The following CCDC83 variants were observed in gnomAD, a reference collection of about 807,000 sequenced individuals.
CCDC83 encodes the protein coiled-coil domain containing 83.
CCDC83 carries 54 observed loss-of-function variants against 50.1 expected under a neutral mutation model. That is an observed-to-expected ratio of 1.08 (90% confidence interval 0.87 to 1.35). The LOEUF (loss-of-function observed/expected upper bound fraction) is 1.35, where lower values mean the gene tolerates loss of function less well. Ranked by LOEUF, CCDC83 falls within the 40% of genes most tolerant of loss-of-function variation. The probability of loss-of-function intolerance (pLI) is 0.00; values close to 1 mark genes in which losing one functional copy is unlikely to be tolerated. For synonymous variants in CCDC83, 161 were observed against 153.3 expected (o/e 1.05, Z -0.37); for missense variants, 518 against 473.9 (o/e 1.09, Z -0.86).
At chr11:85,907,303 C>A (rs534050978) in intron 7 of CCDC83, among the ~76,000 whole-genome samples, 2 of 152,136 alleles carry the variant, frequency 1.3e-5, no homozygotes, top group South Asian at 4.1e-4. Context: ...AGTAACACTG[C>A]ATGATTTCAA....
At chr11:85,888,026 T>C (rs2093335209) in intron 5 of CCDC83, among the ~76,000 whole-genome samples, 1 of 152,132 alleles carries the variant, frequency 6.6e-6, no homozygotes. Flanking sequence ...AACCATAATT[T>C]TTTGACCAGT....
chr11:85,899,869 A>G (rs2093392804), intron 7 of CCDC83, among the ~76,000 whole-genome samples: 1 of 152,188 alleles, frequency 6.6e-6, no homozygotes, highest in Admixed American at 6.5e-5. Context: ...TTGTAGTTCA[A>G]GATGGTAGGC....
Position 85,866,769 on chromosome 11 carries a change from G to A in CCDC83, c.95+1551G>A, listed in dbSNP as rs1173796215. Among the ~76,000 whole-genome samples, 7 of 152,176 alleles carry A rather than the reference G, an allele frequency of 4.6e-5. No individual in the cohort carries two copies. In the East Asian group the frequency reaches 1.3e-3, roughly 29 times the overall value. On this transcript the variant is annotated intron_variant, in intron 2 of 10. Transcript: ENST00000342404. ...TAACTAAAGGACTTTAGTCAGAGGA[G>A]TTAGGAAAAACTTGTTTGAGAAAGC...
intron 1 of CCDC83, among the ~76,000 whole-genome samples, chr11:85,858,389 C>A (rs987955175): frequency 6.6e-6 from 1 of 152,218 alleles, no homozygotes; most frequent in African/African-American, 2.4e-5. Flanking sequence ...GAAAGCCAGA[C>A]CTGCCCTTCG....
At chr11:85,870,480 A>C (rs1252788493) in intron 2 of CCDC83, among the ~76,000 whole-genome samples, 1 of 151,962 alleles carries the variant, frequency 6.6e-6, no homozygotes, top group African/African-American at 2.4e-5. Flanking sequence ...CTTTTTTTTT[A>C]ATCTCCTGAA....
At chr11:85,908,379 C>T (rs906649767) in intron 7 of CCDC83, among the ~76,000 whole-genome samples, 5 of 151,894 alleles carry the variant, frequency 3.3e-5, no homozygotes, top group African/African-American at 7.3e-5. Context: ...GATGAAACCC[C>T]GTCTCTACTA....
intron 7 of CCDC83, among the ~76,000 whole-genome samples, chr11:85,905,632 G>T (rs1038312778): frequency 1.3e-5 from 2 of 148,600 alleles, no homozygotes; most frequent in Non-Finnish European, 3.0e-5. Flanking sequence ...AAAAAAAAAG[G>T]TATTAACAAT....
At position 85,913,931 on chromosome 11, in the gene CCDC83, T is replaced by C. The variant is rs1345606979; in HGVS notation, c.795-1488T>C. On this transcript the variant is annotated intron_variant, in intron 8 of 10. Coordinates refer to ENST00000342404, the MANE Select transcript of CCDC83 (RefSeq NM_001286159.2). Reference sequence around the variant, plus strand: ...TAGTAGTACAGAAGTAACAGTAAACTAGCAATTAATAGAAAAAGCTAGATT... The same window carrying C: ...TAGTAGTACAGAAGTAACAGTAAACCAGCAATTAATAGAAAAAGCTAGATT... 2.0e-5 allele frequency among the ~76,000 whole-genome samples: 3 copies of C among 152,208 alleles called. No individual in the cohort carries two copies. In the East Asian group the frequency reaches 5.8e-4, roughly 29 times the overall value.
intron 7 of CCDC83, among the ~76,000 whole-genome samples, chr11:85,909,704 C>A (rs551215581): frequency 7.0e-6 from 1 of 143,166 alleles, no homozygotes; most frequent in Non-Finnish European, 1.5e-5. Flanking sequence ...CTCACTGTGA[C>A]CTCCACTTCC....
intron 6 of CCDC83, among the ~76,000 whole-genome samples, chr11:85,896,252 A>T (rs1565148985): frequency 6.6e-6 from 1 of 151,650 alleles, no homozygotes; most frequent in East Asian, 1.9e-4. Context: ...ACAGGGCAAA[A>T]CCCTGTCTCA....
At chr11:85,863,335 T>G (rs1198694121) in intron 1 of CCDC83, among the ~76,000 whole-genome samples, 1 of 152,234 alleles carries the variant, frequency 6.6e-6, no homozygotes, top group Non-Finnish European at 1.5e-5. Context: ...TAATCTTCTC[T>G]TAGCTGATAA....
intron 8 of CCDC83, chr11:85,912,879 T>C: frequency 3.1e-6 from 2 of 653,068 alleles, no homozygotes; most frequent in South Asian, 3.6e-5. Flanking sequence ...TCTGGTATAT[T>C]TGATTTTGTT....
At chr11:85,899,278 G>A (rs564181386) in intron 7 of CCDC83, among the ~76,000 whole-genome samples, 1 of 152,186 alleles carries the variant, frequency 6.6e-6, no homozygotes, top group African/African-American at 2.4e-5. Flanking sequence ...CCTAAAACTT[G>A]ATTTGGTCTT....
In CCDC83 at chr11:85,858,873, G is replaced by A. The variant is rs116782315; in HGVS notation, c.-29+3289G>A. 3.8e-3 allele frequency among the ~76,000 whole-genome samples: 578 copies of A among 152,218 alleles called. 6 individuals are homozygous for A. Among genetic ancestry groups the A allele is most frequent in the African/African-American group, 0.014 (566 of 41,536 alleles). ...TTTCCTGAGAGCCTGACTTAGTGCT[G>A]GGCCTTCTCTTCCACCTCATAACAA... On this transcript the variant is annotated intron_variant, in intron 1 of 10. Transcript: ENST00000342404.
Position 85,873,776 on chromosome 11 carries a change from A to G in CCDC83, c.180+481A>G, listed in dbSNP as rs1240325191. ...TTTTTATAAAATCAGATTAAAATGAATATCAAAAAGGTGCTATATATGACT... is the reference window on the plus strand; with the variant it reads ...TTTTTATAAAATCAGATTAAAATGAGTATCAAAAAGGTGCTATATATGACT... On this transcript the variant is annotated intron_variant, in intron 3 of 10. Transcript: ENST00000342404. 2.0e-5 allele frequency among the ~76,000 whole-genome samples: 3 copies of G among 152,242 alleles called. No homozygotes were observed. In the East Asian group the frequency reaches 5.8e-4, roughly 29 times the overall value.
chr11:85,880,128 T>A (rs1401558193), intron 3 of CCDC83, among the ~76,000 whole-genome samples: 1 of 152,226 alleles, frequency 6.6e-6, no homozygotes. Flanking sequence ...TTATCTTGTA[T>A]ATATTTGCCC....
At chr11:85,899,857 T>C (rs2093392722) in intron 7 of CCDC83, among the ~76,000 whole-genome samples, 1 of 152,170 alleles carries the variant, frequency 6.6e-6, no homozygotes, top group Non-Finnish European at 1.5e-5. Flanking sequence ...GTGAATTGTT[T>C]ATTGTAGTTC....
At position 85,880,017 on chromosome 11, in the gene CCDC83, C is replaced by T. The variant is rs147934010; in HGVS notation, c.181-2496C>T. Among the ~76,000 whole-genome samples the T allele has an allele frequency of 1.2e-4, 18 of 152,242 alleles. No homozygotes were observed. In the East Asian group the frequency reaches 2.5e-3, roughly 21 times the overall value. ...TCTTGACTACTATAGCTATATAATA[C>T]GTCTTGAAATAAGGTAAATTAATTC... is the stretch of plus-strand genomic sequence containing the variant. On this transcript the variant is annotated intron_variant, in intron 3 of 10. Coordinates refer to ENST00000342404, the MANE Select transcript of CCDC83 (RefSeq NM_001286159.2).
intron 5 of CCDC83, among the ~76,000 whole-genome samples, chr11:85,888,533 G>T (rs151094467): frequency 6.6e-6 from 1 of 152,190 alleles, no homozygotes; most frequent in Admixed American, 6.5e-5. Flanking sequence ...CTTTAACTGT[G>T]ATATAAATTG....
Sources: allele counts gnomAD v4.1 joint callset (sites outside exome capture counted in the v4.1 genomes callset), GRCh38; gene constraint gnomAD v4.1.1; transcripts MANE v1.5; gene names NCBI Gene and HGNC (gene_info 2026-07-23, HGNC 2026-07-21).